The following DNAH12 variants were observed in gnomAD, a reference collection of about 807,000 sequenced individuals.
The protein encoded by DNAH12 is dynein axonemal heavy chain 12.
In DNAH12, 285 loss-of-function variants were observed where a neutral mutation model predicts 371.5. The observed-to-expected ratio is 0.77, with a 90% CI of 0.70 to 0.85. DNAH12 has a LOEUF of 0.85. Ranked by LOEUF, DNAH12 falls within the 40% of genes least tolerant of loss-of-function variation. The pLI is 0.00. For missense variants in DNAH12, 3,611 were observed against 3,689.4 expected, an observed-to-expected ratio of 0.98 and a Z score of 0.55; for synonymous variants, 1,200 against 1,213.0, an observed-to-expected ratio of 0.99 and a Z score of 0.22.
intron 29 of DNAH12, among the ~76,000 whole-genome samples, chr3:57,438,640 C>T (rs114028076): frequency 6.6e-6 from 1 of 151,944 alleles, no homozygotes. Context: ...CAATAACATT[C>T]AAGCTGAAAG....
intron 69 of DNAH12, among the ~76,000 whole-genome samples, chr3:57,302,290 G>A (rs1479337732): frequency 6.6e-6 from 1 of 151,846 alleles, no homozygotes; most frequent in Admixed American, 6.6e-5. Context: ...TGAAAAAGCT[G>A]TAATGATGTC....
At chr3:57,444,565 TAACTA>T (rs2065415236) in intron 29 of DNAH12, 127 bp downstream of exon 29, 7 of 1,323,468 alleles carry the variant, frequency 5.3e-6, no homozygotes, top group Non-Finnish European at 7.2e-6. Flanking sequence ...TTATTGTTAT[TAACTA>T]AAGTGGACAA....
At chr3:57,398,287 T>G (rs1380834853) in intron 43 of DNAH12, among the ~76,000 whole-genome samples, 1 of 152,208 alleles carries the variant, frequency 6.6e-6, no homozygotes, top group Non-Finnish European at 1.5e-5. Context: ...GCCTAAGGGA[T>G]TTATGGTACA....
intron 13 of DNAH12, among the ~76,000 whole-genome samples, chr3:57,476,578 T>A (rs2066533896): frequency 6.6e-6 from 1 of 151,594 alleles, no homozygotes; most frequent in Non-Finnish European, 1.5e-5. Flanking sequence ...AAATAAAAAA[T>A]AAAAAAAATC....
Position 57,393,648 on chromosome 3 carries a change from A to G in DNAH12, c.7110+523T>C, listed in dbSNP as rs1477116960. Among the ~76,000 whole-genome samples the G allele has an allele frequency of 2.0e-3, 284 of 140,466 alleles. 1 individual carries two copies. Among genetic ancestry groups the G allele is most frequent in the African/African-American group, 5.3e-3 (176 of 33,212 alleles). 92.2% of individuals were successfully genotyped at this position (140,466 alleles called of 152,430 possible). On this transcript the variant is annotated intron_variant, in intron 44 of 73. Coordinates refer to ENST00000495027, the MANE Select transcript of DNAH12 (RefSeq NM_001366028.2). ...CTCAAAAAAAAAAAAAAAAAAAAAA[A>G]AAAGAAAGAAAGAAAAAGAAAAAGA...
intron 11 of DNAH12, among the ~76,000 whole-genome samples, chr3:57,500,153 C>T (rs905876677): frequency 2.3e-5 from 2 of 85,138 alleles, no homozygotes; most frequent in Non-Finnish European, 5.6e-5. Flanking sequence ...CGATCCTACT[C>T]CTCAGCCCCC....
chr3:57,403,493 A>C lies in DNAH12; in HGVS notation c.6764T>G (p.Leu2255Trp). 3 of 1,543,850 alleles carry C rather than the reference A, an allele frequency of 1.9e-6. No homozygotes were observed. Among genetic ancestry groups the C allele is most frequent in the Non-Finnish European group, 2.6e-6 (3 of 1,144,034 alleles). Residue 2255 changes from leucine (L) to tryptophan (W), a missense_variant, in exon 43 of 74, where the codon TTG becomes TGG. By Grantham distance (61) the Leu-to-Trp change is moderately conservative (BLOSUM62 -2). Coordinates refer to ENST00000495027, the MANE Select transcript of DNAH12 (RefSeq NM_001366028.2). ...RMNLVIFRYV[L>W]EHLSRICRVL... ...TCGACATATTCTTGATAAATGTTCC[A>C]AAACATACCTACCACAAAAGAAAAA...
Position 57,453,294 on chromosome 3 carries a change from G to C in DNAH12, c.3566C>G (p.Thr1189Ser), listed in dbSNP as rs1248547455. 6.5e-7 allele frequency: 1 copy of C among 1,549,152 alleles called. No homozygotes were observed. Among genetic ancestry groups the C allele is most frequent in the Non-Finnish European group, 8.7e-7 (1 of 1,146,404 alleles). ...CACATCTCTAGCATGGACATCAATA[G>C]TAACCAAAGCCCCCAGAGTGGTCCT... ...QTRTTLGALV[T>S]IDVHARDVVM... is the part of the protein sequence containing the mutation. Residue 1189 changes from threonine (T) to serine (S), a missense_variant, in exon 24 of 74, where the codon ACT (threonine) becomes AGT (serine). Physicochemically the swap from Thr to Ser is moderately conservative, Grantham distance 58. Coordinates refer to ENST00000495027, the MANE Select transcript of DNAH12 (RefSeq NM_001366028.2).
chr3:57,350,953 C>G (rs1011982089), intron 60 of DNAH12, among the ~76,000 whole-genome samples: 1 of 152,054 alleles, frequency 6.6e-6, no homozygotes, highest in African/African-American at 2.4e-5. Flanking sequence ...CATACCAAAA[C>G]AGATTTTTTT....
chr3:57,300,402 G>C (rs577130464), intron 70 of DNAH12, among the ~76,000 whole-genome samples: 1 of 152,188 alleles, frequency 6.6e-6, no homozygotes, highest in African/African-American at 2.4e-5. Context: ...GAACAATGGA[G>C]GAAACCCTTT....
intron 60 of DNAH12, among the ~76,000 whole-genome samples, chr3:57,335,741 G>A (rs2062207974): frequency 6.6e-6 from 1 of 152,198 alleles, no homozygotes; most frequent in East Asian, 1.9e-4. Flanking sequence ...TGTGGCACAT[G>A]ACTGTACTAA....
Position 57,509,204 on chromosome 3 carries a change from C to T in DNAH12, c.478G>A (p.Val160Ile), listed in dbSNP as rs143977508. Residue 160 changes from valine (V) to isoleucine (I), a missense_variant, in exon 6 of 74, where the codon GTT becomes ATT. Val to Ile is a conservative substitution (Grantham distance 29). Around this residue, in one of 3 missense-constraint regions of DNAH12, gnomAD observed 1,314 missense variants for 1,398.7 expected, o/e 0.94. Coordinates refer to ENST00000495027, the MANE Select transcript of DNAH12 (RefSeq NM_001366028.2). Reference protein sequence around the residue: ...NSMKRYLVQSVLVKPPVKSLE... With the variant: ...NSMKRYLVQSILVKPPVKSLE... ...GATTTAACTGGTGGTTTCACAAGAA[C>T]GCTCTGCACTAAAATACATGGATAT... The T allele has an allele frequency of 1.5e-5, 24 of 1,613,330 alleles. No homozygotes were observed. The highest frequency in any genetic ancestry group is 8.0e-5 in the African/African-American group (6 of 74,856).
chr3:57,340,116 C>A (rs912776599), intron 60 of DNAH12, among the ~76,000 whole-genome samples: 1 of 151,222 alleles, frequency 6.6e-6, no homozygotes, highest in Non-Finnish European at 1.5e-5. Flanking sequence ...AGAAACACAG[C>A]ATACCAAAAT....
At chr3:57,381,243 G>T (rs1469919976) in intron 50 of DNAH12, among the ~76,000 whole-genome samples, 3 of 150,398 alleles carry the variant, frequency 2.0e-5, no homozygotes, top group African/African-American at 7.3e-5. Flanking sequence ...GGAGGTGTGT[G>T]TGTGTGTGTG....
intron 35 of DNAH12, among the ~76,000 whole-genome samples, 194 bp from the exon 36 acceptor site, chr3:57,421,900 G>GTTTT (rs1383551758): frequency 5.1e-5 from 5 of 97,718 alleles, no homozygotes; most frequent in Admixed American, 1.9e-4. Flanking sequence ...ATGTTTGCAT[G>GTTTT]TCTTTTTTTT....
chr3:57,511,030 T>G (rs770714930), intron 4 of DNAH12, 51 bp from the exon 5 acceptor site: 1 of 1,391,640 alleles, frequency 7.2e-7, no homozygotes, highest in Non-Finnish European at 9.7e-7. Context: ...ATCATTTCAG[T>G]GTAACTCCTG....
Position 57,309,216 on chromosome 3 carries a change from C to T in DNAH12, c.11124G>A (p.Lys3708=), listed in dbSNP as rs1559541571. ...TGCTTTCTTCATATCTCACAGGATA[C>T]TTCCGTAGTGCCATTTCAATGTCGA... is the stretch of plus-strand genomic sequence containing the variant. The part of the protein sequence containing the change: ...SDFDIEMALR[K]YPVRYEESMN... Residue 3708 remains lysine (K), a synonymous_variant, in exon 69 of 74, where the codon AAG becomes AAA. Coordinates refer to ENST00000495027, the MANE Select transcript of DNAH12 (RefSeq NM_001366028.2). 3 of 1,550,352 alleles carry T rather than the reference C, an allele frequency of 1.9e-6. No individual in the cohort carries two copies. The South Asian group carries it at 3.6e-5, about 19-fold the overall frequency.
intron 59 of DNAH12, among the ~76,000 whole-genome samples, chr3:57,354,835 C>T (rs1005555353): frequency 6.6e-6 from 1 of 152,088 alleles, no homozygotes; most frequent in Non-Finnish European, 1.5e-5. Flanking sequence ...TTGAACAAAT[C>T]CCTGGAGAAT....
At chr3:57,424,470 C>CAAAAAAA (rs71088068) in intron 35 of DNAH12, among the ~76,000 whole-genome samples, 3 of 118,368 alleles carry the variant, frequency 2.5e-5, no homozygotes, top group Admixed American at 8.9e-5. Flanking sequence ...GATTCCATCT[C>CAAAAAAA]AAAAAAAAAA....
Sources: gnomAD v4.1 joint callset for allele counts (sites outside exome capture counted in the v4.1 genomes callset) on GRCh38, gnomAD v4.1.1 for gene constraint, gnomAD v4.1.1 regional missense constraint, MANE v1.5 for transcripts, NCBI Gene and HGNC (gene_info 2026-07-23, HGNC 2026-07-21) for gene names.